The following DNAH2 variants were observed in gnomAD, a reference collection of about 807,000 sequenced individuals.
The protein encoded by DNAH2 is axonemal beta dynein heavy chain 2.
A neutral mutation model predicts 523.5 loss-of-function variants in DNAH2; 323 were observed. The observed-to-expected ratio is 0.62, with a 90% CI of 0.56 to 0.68. The LOEUF (loss-of-function observed/expected upper bound fraction) is 0.68. DNAH2 is among the 30% of genes least tolerant of loss of function. The pLI, the probability that DNAH2 is intolerant of heterozygous loss-of-function variation, is 0.00. For missense variants in DNAH2, 4,907 were observed against 5,701.5 expected (o/e 0.86, Z 4.49); for synonymous variants, 2,093 against 2,177.4 (o/e 0.96, Z 1.08).
rs551545662 is a variant in DNAH2, at chr17:7,828,360, TA to T, written c.11854-1933del. Among the ~76,000 whole-genome samples the T allele has an allele frequency of 1.8e-4, 27 of 152,146 alleles. No individual in the cohort carries two copies. The highest frequency in any genetic ancestry group is 2.9e-4 in the Non-Finnish European group (20 of 68,024). ...AAATTTTAGAATTTGTTTGTTCTAT[TA>T]AAAAAATTCTATTCATCAGTTTGGG... On this transcript the variant is annotated intron_variant, in intron 77 of 85. Transcript: ENST00000572933. This position sits in a 1 kb window ranked among gnomAD's most constrained non-coding sequence, Gnocchi z 4.1.
intron 8 of DNAH2, chr17:7,738,031 C>G (rs920568231): frequency 1.3e-5 from 9 of 703,388 alleles, no homozygotes; most frequent in Middle Eastern, 2.3e-4. Flanking sequence ...AGGGATATGT[C>G]TCTTCCAGCA....
chr17:7,824,718 G>A lies in DNAH2; in HGVS notation c.11844G>A (p.Glu3948=), dbSNP rs2077971706. The A allele has an allele frequency of 1.3e-6, 2 of 1,559,480 alleles. No individual in the cohort carries two copies. Among genetic ancestry groups the A allele is most frequent in the Non-Finnish European group, 1.7e-6 (2 of 1,144,456 alleles). ...AGGTCAGCATCAAGATGACCACAGA[G>A]CCACCAAAGGTATGTGGCCATAGAG... ...ILQVSIKMTT[E]PPKGLKANMT... is the part of the protein sequence containing the mutation. The change falls in exon 77 of 86, where the codon GAG becomes GAA. Residue 3948 remains glutamate, a synonymous_variant. Transcript: ENST00000572933.
chr17:7,766,410 A>G lies in DNAH2; in HGVS notation c.3604A>G (p.Ser1202Gly), dbSNP rs1365953965. ...MLMAMREEEN[S>G]LRANLGIFKI... ...GATGGCCATGCGGGAAGAGGAAAAT[A>G]GTCTCCGAGCCAACCTGGGCATCTT... The change falls in exon 22 of 86, where the codon AGT (serine) becomes GGT (glycine). Residue 1202 changes from serine to glycine, a missense_variant. Transcript: ENST00000572933. 1.2e-6 allele frequency: 2 copies of G among 1,614,046 alleles called. No individual in the cohort carries two copies. The highest frequency in any genetic ancestry group is 1.1e-5 in the South Asian group (1 of 91,082).
rs1481464480 is a variant in DNAH2, at chr17:7,775,493, C to T, written c.4821+151C>T. ...CTGAGGTCGGGAGTTTGAGACCAGC[C>T]TGACCAACATGGAGAAACCCCGTTT... On this transcript the variant is annotated intron_variant, in intron 30 of 85. Transcript: ENST00000572933. 3 of 693,118 alleles carry T rather than the reference C, an allele frequency of 4.3e-6. No individual in the cohort carries two copies. In the Admixed American group the frequency reaches 8.6e-5, roughly 20 times the overall value. 42.9% of individuals were successfully genotyped at this position (693,118 alleles called of 1,614,324 possible).
chr17:7,734,810 T>C lies in DNAH2; in HGVS notation c.978+102T>C, dbSNP rs538539907. The C allele has an allele frequency of 6.3e-5, 77 of 1,218,536 alleles. No homozygotes were observed. In the African/African-American group the frequency reaches 9.3e-4, roughly 15 times the overall value. 75.5% of individuals were successfully genotyped at this position (1,218,536 alleles called of 1,614,324 possible). A position where few individuals can be genotyped will look rare whatever the true frequency, so the allele number is the denominator to read the frequency against. ...GAGAGGGAGCCAAGGCAATCTTCGA[T>C]AGCACAGACTGACCCACCCAGGGTT... On this transcript the variant is annotated intron_variant, in intron 7 of 85. Transcript: ENST00000572933.
At chr17:7,776,197 G>A in intron 31 of DNAH2, 48 bp downstream of exon 31, 1 of 1,598,206 alleles carries the variant, frequency 6.3e-7, no homozygotes, top group South Asian at 1.1e-5. Context: ...TGGGCACGGT[G>A]GCTCACGCCT....
chr17:7,781,267 G>T, intron 39 of DNAH2, 100 bp downstream of exon 39: 1 of 1,392,488 alleles, frequency 7.2e-7, no homozygotes. Context: ...TTGAGTCCAG[G>T]AGTTTGAGAC....
At position 7,826,968 on chromosome 17, in the gene DNAH2, C is replaced by T. The variant is rs2078038139; in HGVS notation, c.11853+2241C>T. Reference sequence around the variant, plus strand: ...TTCTGAATCTTGTATTTGTCATTTTCTTTATAATGTTTTTCTTTTCCTCTG... The same window carrying T: ...TTCTGAATCTTGTATTTGTCATTTTTTTTATAATGTTTTTCTTTTCCTCTG... On this transcript the variant is annotated intron_variant, in intron 77 of 85. Coordinates refer to ENST00000572933, the MANE Select transcript of DNAH2 (RefSeq NM_020877.5). 2.0e-5 allele frequency among the ~76,000 whole-genome samples: 3 copies of T among 152,100 alleles called. 1 individual carries two copies. Among genetic ancestry groups the T allele is most frequent in the Admixed American group, 2.0e-4 (3 of 15,272 alleles).
intron 77 of DNAH2, among the ~76,000 whole-genome samples, chr17:7,825,253 C>T (rs2077986971): frequency 6.6e-6 from 1 of 152,188 alleles, no homozygotes; most frequent in South Asian, 2.1e-4. Context: ...GCAATCATCA[C>T]CACCCTCTAA....
At chr17:7,735,514 C>T (rs543869444) in intron 7 of DNAH2, among the ~76,000 whole-genome samples, 2 of 152,302 alleles carry the variant, frequency 1.3e-5, no homozygotes, top group East Asian at 3.9e-4. Context: ...TCTCGGCTCA[C>T]TGCAACCTCT....
Position 7,720,217 on chromosome 17 carries a change from G to A in DNAH2, c.166+317G>A, listed in dbSNP as rs922833684. ...TCCTGGTTGCTCCTACCCCACTGAA[G>A]AGGGTTTGATCTCTTCCTTTTTCCC... On this transcript the variant is annotated intron_variant, in intron 2 of 85. Transcript: ENST00000572933. Among the ~76,000 whole-genome samples the A allele has an allele frequency of 4.6e-5, 7 of 152,300 alleles. No individual in the cohort carries two copies. In the East Asian group the frequency reaches 1.3e-3, roughly 29 times the overall value.
intron 77 of DNAH2, 126 bp from the exon 78 acceptor site, chr17:7,830,174 C>A: frequency 1.0e-6 from 1 of 970,056 alleles, no homozygotes; most frequent in Non-Finnish European, 1.5e-6. Context: ...TACATTTCAG[C>A]CTCCACTCAC....
In DNAH2 at chr17:7,823,584, A is replaced by C. The variant is rs370880549; in HGVS notation, c.11285A>C (p.His3762Pro). The change falls in exon 74 of 86, where the codon CAC (histidine) becomes CCC (proline). Residue 3762 changes from histidine to proline, a missense_variant. His to Pro is a moderately conservative substitution (Grantham distance 77). Transcript: ENST00000572933. ...TTTGAGCAGTACCCTCGTGACTGGC[A>C]CCTGTGGTATACCAATGCTGCCCCG... ...NSFEQYPRDW[H>P]LWYTNAAPEK... The C allele has an allele frequency of 1.2e-4, 188 of 1,613,988 alleles. No individual in the cohort carries two copies. Among genetic ancestry groups the C allele is most frequent in the Non-Finnish European group, 1.5e-4 (176 of 1,180,032 alleles).
At position 7,754,946 on chromosome 17, in the gene DNAH2, G is replaced by T; in HGVS notation, c.1905-2145G>T. The T allele has an allele frequency of 2.3e-6, 1 of 431,442 alleles. No homozygotes were observed. 26.7% of individuals were successfully genotyped at this position (431,442 alleles called of 1,614,324 possible). On this transcript the variant is annotated intron_variant, in intron 12 of 85. Coordinates refer to ENST00000572933, the MANE Select transcript of DNAH2 (RefSeq NM_020877.5). This position sits in a 1 kb window ranked among gnomAD's most constrained non-coding sequence, Gnocchi z 4.6. ...GGGCTGGGGTCCTCCTGCGCTATTG[G>T]TACAAATAAGCCTGAGGCAGAAAAA...
intron 24 of DNAH2, 95 bp from the exon 25 acceptor site, chr17:7,770,157 T>C (rs888473064): frequency 2.1e-5 from 31 of 1,443,942 alleles, no homozygotes; most frequent in Non-Finnish European, 2.7e-5. Flanking sequence ...GAATCATGAA[T>C]TGGTAACTAT....
intron 18 of DNAH2, among the ~76,000 whole-genome samples, chr17:7,763,062 G>C (rs1250940239): frequency 6.6e-6 from 1 of 151,772 alleles, no homozygotes; most frequent in African/African-American, 2.4e-5. Context: ...TGCAGCCTCC[G>C]CCTCCCGGGT....
Position 7,775,285 on chromosome 17 carries a change from G to C in DNAH2, c.4764G>C (p.Ser1588=), listed in dbSNP as rs778869358. Residue 1588 remains serine (S), a synonymous_variant, in exon 30 of 86, where the codon TCG becomes TCC. Transcript: ENST00000572933. ...SSKWEAVGMF[S]GDGEYIDFLH... ...AATGGGAAGCTGTGGGGATGTTCTC[G>C]GGCGACGGCGAGTACATTGACTTCC... The C allele has an allele frequency of 1.2e-6, 2 of 1,613,586 alleles. No individual in the cohort carries two copies. Among genetic ancestry groups the C allele is most frequent in the Admixed American group, 1.7e-5 (1 of 59,958 alleles).
chr17:7,730,842 C>T lies in DNAH2; in HGVS notation c.400-2245C>T, dbSNP rs1437824797. Reference sequence around the variant, plus strand: ...AAATTTAAAAAGCATGAGCTGGGCACGGTGGCTCACGCCTGTAATCCTAGC... The same window carrying T: ...AAATTTAAAAAGCATGAGCTGGGCATGGTGGCTCACGCCTGTAATCCTAGC... On this transcript the variant is annotated intron_variant, in intron 4 of 85. Transcript: ENST00000572933. Among the ~76,000 whole-genome samples the T allele has an allele frequency of 4.6e-5, 7 of 151,806 alleles. No individual in the cohort carries two copies. The East Asian group carries it at 9.7e-4, about 21-fold the overall frequency.
At chr17:7,723,564 G>A (rs1472580219) in intron 2 of DNAH2, 64 bp from the exon 3 acceptor site, 30 of 1,430,106 alleles carry the variant, frequency 2.1e-5, no homozygotes, top group South Asian at 6.9e-5. Flanking sequence ...GAGCCACCGC[G>A]CCCAGCTGAC....
Sources: gnomAD v4.1 joint callset for allele counts (sites outside exome capture counted in the v4.1 genomes callset) on GRCh38, gnomAD v4.1.1 for gene constraint, Gnocchi (gnomAD v3.1) non-coding constraint, MANE v1.5 for transcripts, NCBI Gene and HGNC (gene_info 2026-07-23, HGNC 2026-07-21) for gene names.